Variants in ADGRG6 observed in about 807,000 individuals in gnomAD.
ADGRG6 encodes G-protein coupled receptor 126.
In ADGRG6, 84 loss-of-function variants were observed where a neutral mutation model predicts 142.4. That is an observed-to-expected ratio of 0.59 (90% CI 0.49 to 0.71). The LOEUF (loss-of-function observed/expected upper bound fraction) is 0.71, where lower values mean the gene tolerates loss of function less well. Ranked by LOEUF, ADGRG6 falls within the 30% of genes least tolerant of loss-of-function variation. The pLI, the probability that ADGRG6 is intolerant of heterozygous loss-of-function variation, is 0.00. For missense variants in ADGRG6, 1,367 were observed against 1,466.6 expected, an observed-to-expected ratio of 0.93 and a Z score of 1.11; for synonymous variants, 521 against 520.5, an observed-to-expected ratio of 1.00 and a Z score of -0.01.
chr6:142,405,445 A>G, intron 14 of ADGRG6: 1 of 597,488 alleles, frequency 1.7e-6, no homozygotes, highest in Non-Finnish European at 3.1e-6. Context: ...ATTTCTTCCT[A>G]TGTCTTAATT....
intron 2 of ADGRG6, among the ~76,000 whole-genome samples, chr6:142,341,521 AT>A (rs1779636847): frequency 8.4e-6 from 1 of 119,246 alleles, no homozygotes; most frequent in Non-Finnish European, 1.7e-5. Flanking sequence ...ACTACATAAT[AT>A]TATATAGTAT....
At chr6:142,414,422 C>T (rs557160400) in intron 18 of ADGRG6, among the ~76,000 whole-genome samples, 1 of 152,302 alleles carries the variant, frequency 6.6e-6, no homozygotes, top group Admixed American at 6.5e-5. Flanking sequence ...GACAGTCCCA[C>T]CTCATACATA....
rs996950817 is a variant in ADGRG6, at chr6:142,353,130, G to A, written c.104-14439G>A. Among the ~76,000 whole-genome samples, 14 of 152,152 alleles carry A rather than the reference G, an allele frequency of 9.2e-5. No homozygotes were observed. The South Asian group carries it at 1.2e-3, about 14-fold the overall frequency. On this transcript the variant is annotated intron_variant, in intron 2 of 24. Transcript: ENST00000367609. The stretch of plus-strand genomic sequence containing the variant: ...TGTTTTTTCTTTTCCCTCTACTTCC[G>A]TTTTTATTGGATAATCCCCAAAGAA...
chr6:142,308,953 T>C (rs2086121803), intron 1 of ADGRG6, among the ~76,000 whole-genome samples: 1 of 151,946 alleles, frequency 6.6e-6, no homozygotes, highest in Non-Finnish European at 1.5e-5. Flanking sequence ...CTATAATACC[T>C]GGTGTTCAAT....
At chr6:142,302,625 G>A (rs1340891576) in intron 1 of ADGRG6, 1 of 422,450 alleles carries the variant, frequency 2.4e-6, no homozygotes, top group Non-Finnish European at 4.2e-6. Flanking sequence ...CAAGAATGGG[G>A]AAAACGTGTT....
At chr6:142,305,466 A>ACACT (rs1777449190) in intron 1 of ADGRG6, among the ~76,000 whole-genome samples, 1 of 141,418 alleles carries the variant, frequency 7.1e-6, no homozygotes, top group African/African-American at 2.7e-5. Context: ...ACACACACAC[A>ACACT]CACAATTTTT....
chr6:142,428,622 A>G lies in ADGRG6; in HGVS notation c.3319+8518A>G, dbSNP rs570250495. On this transcript the variant is annotated intron_variant, in intron 22 of 24. Transcript: ENST00000367609. The stretch of plus-strand genomic sequence containing the variant: ...AATCATGGCAGCATGGGGAGCAGGC[A>G]CATCTTACATGGTGGCAGGCAAGAG... Among the ~76,000 whole-genome samples, 4 of 152,286 alleles carry G rather than the reference A, an allele frequency of 2.6e-5. No homozygotes were observed. The South Asian group carries it at 8.3e-4, about 32-fold the overall frequency.
intron 2 of ADGRG6, among the ~76,000 whole-genome samples, chr6:142,311,220 C>T (rs1777753727): frequency 6.6e-6 from 1 of 151,940 alleles, no homozygotes; most frequent in African/African-American, 2.4e-5. Flanking sequence ...AGTACTTACA[C>T]TTGTTAAGTT....
chr6:142,379,184 G>C (rs1228149301), intron 4 of ADGRG6, among the ~76,000 whole-genome samples: 2 of 152,114 alleles, frequency 1.3e-5, no homozygotes, highest in Non-Finnish European at 2.9e-5. Context: ...CCTTTTATTA[G>C]ATCGATATGT....
chr6:142,347,201 G>A (rs1489165763), intron 2 of ADGRG6, among the ~76,000 whole-genome samples: 2 of 152,080 alleles, frequency 1.3e-5, no homozygotes, highest in African/African-American at 2.4e-5. Flanking sequence ...TGTCCAAGAG[G>A]GAACAGATAT....
At chr6:142,374,340 C>T (rs565715091) in intron 4 of ADGRG6, among the ~76,000 whole-genome samples, 1 of 152,254 alleles carries the variant, frequency 6.6e-6, no homozygotes, top group African/African-American at 2.4e-5. Context: ...TTTATTTGTT[C>T]CTGTTCATTT....
At chr6:142,439,850 A>G (rs747488653) in intron 24 of ADGRG6, among the ~76,000 whole-genome samples, 8 of 152,212 alleles carry the variant, frequency 5.3e-5, no homozygotes, top group Non-Finnish European at 1.2e-4. Context: ...GGTATAGCCT[A>G]AGATAGATTA....
intron 22 of ADGRG6, among the ~76,000 whole-genome samples, chr6:142,425,333 G>A (rs1257165152): frequency 6.6e-6 from 1 of 152,104 alleles, no homozygotes; most frequent in East Asian, 1.9e-4. Context: ...ACTGTGGTGG[G>A]GATGAGAGAG....
At chr6:142,372,109 ATAAT>A (rs1359867720) in intron 4 of ADGRG6, among the ~76,000 whole-genome samples, 2 of 152,220 alleles carry the variant, frequency 1.3e-5, no homozygotes, top group Non-Finnish European at 2.9e-5. Flanking sequence ...ATTTTGAGAA[ATAAT>A]TCTGTGTGAT....
intron 16 of ADGRG6, 54 bp downstream of exon 16, chr6:142,408,323 A>AG (rs1373331195): frequency 7.4e-7 from 1 of 1,355,614 alleles, no homozygotes; most frequent in African/African-American, 1.5e-5. Flanking sequence ...TTAATATACT[A>AG]GTGGGGCCTT....
At position 142,403,964 on chromosome 6, in the gene ADGRG6, G is replaced by T. The variant is rs375508950; in HGVS notation, c.2118G>T (p.Ser706=). Residue 706 remains serine (S), a synonymous_variant, in exon 14 of 25, where the codon TCG becomes TCT. Coordinates refer to ENST00000367609, the MANE Select transcript of ADGRG6 (RefSeq NM_198569.3). ...FSIGLPSNNE[S]YFQMDFESGQ... ...TTGGTCTTCCAAGCAATAATGAATC[G>T]TATTTCCAGGTAATGAGCCAGTGGT... The T allele has an allele frequency of 3.1e-6, 5 of 1,603,142 alleles. No individual in the cohort carries two copies. The highest frequency in any genetic ancestry group is 4.3e-6 in the Non-Finnish European group (5 of 1,171,570).
At chr6:142,331,887 A>T (rs143874941) in intron 2 of ADGRG6, among the ~76,000 whole-genome samples, 1 of 152,158 alleles carries the variant, frequency 6.6e-6, no homozygotes, top group African/African-American at 2.4e-5. Context: ...TCATTAGGCC[A>T]TCTTTTAGTG....
chr6:142,337,748 A>G (rs532998501), intron 2 of ADGRG6, among the ~76,000 whole-genome samples: 1 of 152,246 alleles, frequency 6.6e-6, no homozygotes, highest in African/African-American at 2.4e-5. Context: ...CCTGGTTCTC[A>G]GGTTCAGTTG....
chr6:142,381,423 A>G (rs2114927525), intron 4 of ADGRG6, among the ~76,000 whole-genome samples: 1 of 152,364 alleles, frequency 6.6e-6, no homozygotes, highest in East Asian at 1.9e-4. Flanking sequence ...CTAAAAAATT[A>G]GCTCAAAACT....
Sources: gnomAD v4.1 joint callset for allele counts (sites outside exome capture counted in the v4.1 genomes callset) on GRCh38, gnomAD v4.1.1 for gene constraint, MANE v1.5 for transcripts, NCBI Gene and HGNC (gene_info 2026-07-23, HGNC 2026-07-21) for gene names.